Variants in ASPH observed in about 807,000 individuals in gnomAD.
The protein encoded by ASPH is aspartate beta-hydroxylase.
In ASPH, 100 loss-of-function variants were observed where a neutral mutation model predicts 118.4. The observed-to-expected ratio is 0.84, with a 90% CI of 0.72 to 1.00. The LOEUF is 1.00. Ranked by LOEUF, ASPH falls within the 50% of genes least tolerant of loss-of-function variation. The pLI is 0.00. For synonymous variants in ASPH, 315 were observed against 325.6 expected (o/e 0.97, Z 0.35); for missense variants, 920 against 919.5 (o/e 1.00, Z -0.01).
intron 13 of ASPH, among the ~76,000 whole-genome samples, chr8:61,620,318 A>T (rs908410105): frequency 6.6e-6 from 1 of 152,184 alleles, no homozygotes; most frequent in Non-Finnish European, 1.5e-5. Flanking sequence ...CAAAGCTATC[A>T]AGGCCAGCAG....
chr8:61,594,117 A>G (rs1045605447), intron 14 of ASPH, among the ~76,000 whole-genome samples: 2 of 152,160 alleles, frequency 1.3e-5, no homozygotes, highest in Non-Finnish European at 2.9e-5. Flanking sequence ...GTAGACATAA[A>G]TGGTGCCAAA....
chr8:61,618,697 G>A (rs542846921), intron 14 of ASPH, among the ~76,000 whole-genome samples: 4 of 152,296 alleles, frequency 2.6e-5, no homozygotes, highest in Non-Finnish European at 5.9e-5. Flanking sequence ...CGTTACAGAA[G>A]AGAAAACTGA....
At chr8:61,628,323 CTTTTTT>C (rs398008041) in intron 13 of ASPH, 7,158 of 194,340 alleles carry the variant, frequency 0.037, no homozygotes, top group Middle Eastern at 0.059. Flanking sequence ...CCAAGCCCGG[CTTTTTT>C]TTTTTTTTTT....
At chr8:61,603,709 T>A (rs1844774506) in intron 14 of ASPH, among the ~76,000 whole-genome samples, 1 of 152,042 alleles carries the variant, frequency 6.6e-6, no homozygotes, top group Non-Finnish European at 1.5e-5. Context: ...ACAATCCCTA[T>A]CCCCAAGTAC....
intron 24 of ASPH, among the ~76,000 whole-genome samples, chr8:61,516,460 T>C (rs1810954216): frequency 6.6e-6 from 1 of 152,176 alleles, no homozygotes; most frequent in Non-Finnish European, 1.5e-5. Flanking sequence ...GGCAGTTATC[T>C]GCCAATAATC....
At chr8:61,547,718 A>T (rs530310539) in intron 21 of ASPH, among the ~76,000 whole-genome samples, 35 of 152,096 alleles carry the variant, frequency 2.3e-4, no homozygotes, top group African/African-American at 7.7e-4. Flanking sequence ...TGAGGTTATT[A>T]TTTTTAAATA....
chr8:61,656,303 T>C (rs1424040574), intron 3 of ASPH: 1 of 152,180 alleles, frequency 6.6e-6, no homozygotes, highest in Admixed American at 6.5e-5. Flanking sequence ...ATCATCTAAC[T>C]AAACAAGAAG....
intron 14 of ASPH, among the ~76,000 whole-genome samples, chr8:61,615,256 G>A (rs1848648081): frequency 6.6e-6 from 1 of 152,026 alleles, no homozygotes; most frequent in Non-Finnish European, 1.5e-5. Flanking sequence ...CCAAGTCTCG[G>A]AACTCTTCTC....
At chr8:61,687,497 A>G (rs1831005034) in intron 1 of ASPH, 1 of 152,200 alleles carries the variant, frequency 6.6e-6, no homozygotes, top group African/African-American at 2.4e-5. Flanking sequence ...CATTTCAGAC[A>G]CAATCTAACC....
intron 3 of ASPH, among the ~76,000 whole-genome samples, chr8:61,655,453 G>T (rs772011166): frequency 6.6e-6 from 1 of 152,070 alleles, no homozygotes; most frequent in African/African-American, 2.4e-5. Context: ...AAAATTACAG[G>T]GTCATCCTTC....
chr8:61,683,332 T>A (rs1829036745), intron 2 of ASPH, among the ~76,000 whole-genome samples: 1 of 152,030 alleles, frequency 6.6e-6, no homozygotes, highest in African/African-American at 2.4e-5. Flanking sequence ...TATTTCAGTT[T>A]AAAAAAAGAT....
At chr8:61,623,256 G>A (rs1011764288) in intron 13 of ASPH, among the ~76,000 whole-genome samples, 2 of 152,162 alleles carry the variant, frequency 1.3e-5, no homozygotes, top group Non-Finnish European at 1.5e-5. Context: ...TTTAACTCAG[G>A]TGAGATATCT....
chr8:61,608,400 G>A (rs963135587), intron 14 of ASPH, among the ~76,000 whole-genome samples: 9 of 152,268 alleles, frequency 5.9e-5, no homozygotes, highest in Middle Eastern at 3.4e-3. Context: ...TTCTGTCCAC[G>A]CCATGAGAAG....
intron 2 of ASPH, 106 bp downstream of exon 2, chr8:61,683,933 G>A: frequency 1.5e-6 from 2 of 1,314,046 alleles, no homozygotes; most frequent in Non-Finnish European, 2.1e-6. Flanking sequence ...CCACTGAAAG[G>A]CTATAGAAAT....
rs1161376086 is a variant in ASPH at position 61,548,139 on chromosome 8, T to C, written c.1696A>G (p.Asn566Asp). 1 of 1,613,896 alleles carries C rather than the reference T, an allele frequency of 6.2e-7. No homozygotes were observed. The highest frequency in any genetic ancestry group is 1.3e-5 in the African/African-American group (1 of 74,910). The change falls in exon 21 of 25, where the codon AAT becomes GAT. Residue 566 changes from asparagine to aspartate, a missense_variant. Physicochemically the swap from Asn to Asp is conservative, Grantham distance 23 (BLOSUM62 1). Transcript: ENST00000379454. ...FASVWQRSLY[N>D]VNGLKAQPWW... ...GGCTGTGCTTTCAGTCCATTCACAT[T>C]GTAGAGTGAGCGTTGCCAGACAGAT... is the stretch of plus-strand genomic sequence containing the variant.
At chr8:61,686,940 CA>C (rs779761492) in intron 1 of ASPH, among the ~76,000 whole-genome samples, 93 of 152,094 alleles carry the variant, frequency 6.1e-4, no homozygotes, top group African/African-American at 2.2e-3. Context: ...ACATGAATAT[CA>C]GATAATTTTA....
chr8:61,567,022 G>A, intron 17 of ASPH, 146 bp downstream of exon 17: 2 of 992,538 alleles, frequency 2.0e-6, no homozygotes, highest in Non-Finnish European at 2.9e-6. Context: ...GAGATGGTGA[G>A]CCTAGGACAG....
chr8:61,606,475 T>C (rs1051945596), intron 14 of ASPH: 1 of 152,226 alleles, frequency 6.6e-6, no homozygotes, highest in Non-Finnish European at 1.5e-5. Context: ...TTTTATTCAC[T>C]TTTATTTCAA....
At chr8:61,636,994 G>A (rs982316914) in intron 12 of ASPH, among the ~76,000 whole-genome samples, 1 of 152,002 alleles carries the variant, frequency 6.6e-6, no homozygotes, top group African/African-American at 2.4e-5. Context: ...TAGCCTCCCC[G>A]ATTCCCTTAT....
Sources: allele counts gnomAD v4.1 joint callset (sites outside exome capture counted in the v4.1 genomes callset), GRCh38; gene constraint gnomAD v4.1.1; transcripts MANE v1.5; gene names NCBI Gene and HGNC (gene_info 2026-07-23, HGNC 2026-07-21).